Variants in MCCC2 observed in about 807,000 individuals in gnomAD.
MCCC2 encodes the protein methylcrotonoyl-CoA carboxylase beta chain, mitochondrial.
Under a neutral mutation model 77.2 loss-of-function variants are expected in MCCC2, and 52 were observed. The observed-to-expected ratio is 0.67, with a 90% CI of 0.54 to 0.85. The LOEUF is 0.85. Ranked by LOEUF, MCCC2 falls within the 40% of genes least tolerant of loss-of-function variation. The probability of loss-of-function intolerance (pLI) is 0.00; values close to 1 mark genes in which losing one functional copy is unlikely to be tolerated. For synonymous variants in MCCC2, 253 were observed against 248.4 expected (o/e 1.02, Z -0.18); for missense variants, 682 against 703.2 (o/e 0.97, Z 0.34).
At chr5:71,614,812 T>A (rs923376539) in intron 6 of MCCC2, among the ~76,000 whole-genome samples, 5 of 151,966 alleles carry the variant, frequency 3.3e-5, no homozygotes, top group Admixed American at 6.6e-5. Context: ...AATGAAAAAA[T>A]TTTTTATCTG....
intron 1 of MCCC2, among the ~76,000 whole-genome samples, chr5:71,591,384 C>G (rs1369646703): frequency 6.6e-6 from 1 of 151,126 alleles, no homozygotes; most frequent in Non-Finnish European, 1.5e-5. Context: ...TCAATATTTC[C>G]TTGTGTATTA....
chr5:71,602,152 G>C lies in MCCC2; in HGVS notation c.384-354G>C, dbSNP rs1238086953. Among the ~76,000 whole-genome samples, 4 of 151,594 alleles carry C rather than the reference G, an allele frequency of 2.6e-5. No individual in the cohort carries two copies. In the East Asian group the frequency reaches 5.8e-4, roughly 22 times the overall value. On this transcript the variant is annotated intron_variant, in intron 4 of 16. Coordinates refer to ENST00000340941, the MANE Select transcript of MCCC2 (RefSeq NM_022132.5). ...AGGGAATTCTTTTCCCTTGAGACTTGGATTTTTTTTTTCATTATTATTTTC... is the reference window on the plus strand; with the variant it reads ...AGGGAATTCTTTTCCCTTGAGACTTCGATTTTTTTTTTCATTATTATTTTC...
chr5:71,602,849 G>A lies in MCCC2; in HGVS notation c.511+216G>A, dbSNP rs777313152. The stretch of plus-strand genomic sequence containing the variant: ...GTGCATAATACTCATACATTTTGAC[G>A]CATGCCAGTTTTTTTCTCTATGTGT... On this transcript the variant is annotated intron_variant, in intron 5 of 16. Coordinates refer to ENST00000340941, the MANE Select transcript of MCCC2 (RefSeq NM_022132.5). 1.5e-5 allele frequency: 9 copies of A among 613,136 alleles called. 1 individual carries two copies. Among genetic ancestry groups the A allele is most frequent in the South Asian group, 4.7e-5 (2 of 42,398 alleles). 38.0% of individuals were successfully genotyped at this position (613,136 alleles called of 1,614,324 possible). A position where few individuals can be genotyped will look rare whatever the true frequency, so the allele number is the denominator to read the frequency against.
At chr5:71,647,007 G>A (rs1315051972) in intron 13 of MCCC2, among the ~76,000 whole-genome samples, 1 of 152,150 alleles carries the variant, frequency 6.6e-6, no homozygotes, top group Non-Finnish European at 1.5e-5. Flanking sequence ...CACCTCTCTG[G>A]ACTTTACTCC....
Position 71,640,374 on chromosome 5 carries a change from C to G in MCCC2, c.1000-629C>G, listed in dbSNP as rs550583723. On this transcript the variant is annotated intron_variant, in intron 10 of 16. Coordinates refer to ENST00000340941, the MANE Select transcript of MCCC2 (RefSeq NM_022132.5). ...TTCTTGCTGAAAGGAATAGTTAGCACTTTTTACATTTTTTTTTTTTTTTTT... is the reference window on the plus strand; with the variant it reads ...TTCTTGCTGAAAGGAATAGTTAGCAGTTTTTACATTTTTTTTTTTTTTTTT... Among the ~76,000 whole-genome samples the G allele has an allele frequency of 1.1e-4, 15 of 131,368 alleles. No homozygotes were observed. In the South Asian group the frequency reaches 3.4e-3, roughly 30 times the overall value. The allele number at this position is 131,368 out of a possible 152,430, so 86.2% of individuals were successfully genotyped here.
At chr5:71,599,016 C>T (rs920910662) in intron 3 of MCCC2, among the ~76,000 whole-genome samples, 1 of 152,094 alleles carries the variant, frequency 6.6e-6, no homozygotes, top group Non-Finnish European at 1.5e-5. Flanking sequence ...ACTTGAGCCC[C>T]ACAAAGTGCT....
chr5:71,609,606 G>A (rs1745832254), intron 6 of MCCC2, among the ~76,000 whole-genome samples: 1 of 150,632 alleles, frequency 6.6e-6, no homozygotes, highest in South Asian at 2.1e-4. Context: ...TTCCGTTGCT[G>A]GTGAGGAACT....
chr5:71,618,844 C>T (rs151073567), intron 6 of MCCC2, among the ~76,000 whole-genome samples: 3 of 152,126 alleles, frequency 2.0e-5, no homozygotes, highest in East Asian at 3.9e-4. Context: ...TTCTTTAGGT[C>T]TCACATTACT....
At chr5:71,595,708 T>G (rs191877711) in intron 2 of MCCC2, among the ~76,000 whole-genome samples, 1 of 152,330 alleles carries the variant, frequency 6.6e-6, no homozygotes, top group East Asian at 1.9e-4. Flanking sequence ...TAATTTTCTT[T>G]GTCTGTCATG....
intron 6 of MCCC2, among the ~76,000 whole-genome samples, chr5:71,612,270 G>A (rs920261697): frequency 6.6e-6 from 1 of 151,872 alleles, no homozygotes; most frequent in Admixed American, 6.6e-5. Context: ...TTTCTTTATT[G>A]GATTTAAGTT....
At chr5:71,609,833 G>A (rs910412995) in intron 6 of MCCC2, among the ~76,000 whole-genome samples, 1 of 152,088 alleles carries the variant, frequency 6.6e-6, no homozygotes, top group Non-Finnish European at 1.5e-5. Context: ...TGCCGTGTGA[G>A]ATGTCAGTGT....
intron 6 of MCCC2, among the ~76,000 whole-genome samples, chr5:71,611,022 G>A (rs994227470): frequency 3.3e-5 from 5 of 152,068 alleles, no homozygotes; most frequent in Non-Finnish European, 7.3e-5. Context: ...GGAAAACAGG[G>A]TTTAAAAAGA....
intron 2 of MCCC2, among the ~76,000 whole-genome samples, chr5:71,594,421 G>A (rs555979984): frequency 6.6e-6 from 1 of 152,104 alleles, no homozygotes; most frequent in East Asian, 1.9e-4. Flanking sequence ...CCACCTACTC[G>A]GGAGGCTGAG....
chr5:71,631,865 G>A (rs182292215), intron 7 of MCCC2, among the ~76,000 whole-genome samples: 3 of 152,252 alleles, frequency 2.0e-5, no homozygotes, highest in Admixed American at 2.0e-4. Context: ...GAAACGTGTG[G>A]GCTCAAATGA....
chr5:71,653,190 C>G (rs1329229119), intron 16 of MCCC2, among the ~76,000 whole-genome samples: 8 of 152,246 alleles, frequency 5.3e-5, no homozygotes, highest in African/African-American at 1.9e-4. Context: ...TGAACACTTA[C>G]TGGCATTTGT....
intron 12 of MCCC2, among the ~76,000 whole-genome samples, chr5:71,645,621 T>C (rs1173926210): frequency 6.6e-6 from 1 of 152,242 alleles, no homozygotes; most frequent in Non-Finnish European, 1.5e-5. Flanking sequence ...TTCTGGCTTT[T>C]CTAAAGTGGA....
At chr5:71,641,365 A>C (rs1245639455) in intron 11 of MCCC2, 2 of 374,154 alleles carry the variant, frequency 5.3e-6, no homozygotes, top group African/African-American at 2.1e-5. Flanking sequence ...ATTAGTAGAA[A>C]ATACTTGTAG....
intron 6 of MCCC2, among the ~76,000 whole-genome samples, chr5:71,607,185 G>A (rs868390236): frequency 3.7e-4 from 56 of 152,056 alleles, no homozygotes; most frequent in East Asian, 1.4e-3. Context: ...GGTAGAATTC[G>A]GCTGTGAATC....
intron 1 of MCCC2, among the ~76,000 whole-genome samples, chr5:71,592,238 G>A (rs368234087): frequency 6.6e-6 from 1 of 152,208 alleles, no homozygotes; most frequent in South Asian, 2.1e-4. Context: ...ATAATTAGCT[G>A]GGCATGGTGG....
Sources: allele counts gnomAD v4.1 joint callset (sites outside exome capture counted in the v4.1 genomes callset), GRCh38; gene constraint gnomAD v4.1.1; transcripts MANE v1.5; gene names NCBI Gene and HGNC (gene_info 2026-07-23, HGNC 2026-07-21).